EYS: variants seen among roughly 807,000 people sequenced by gnomAD.
EYS encodes protein eyes shut homolog.
Under a neutral mutation model 282.1 loss-of-function variants are expected in EYS, and 250 were observed. The observed-to-expected ratio is 0.89, with a 90% CI of 0.80 to 0.98. The LOEUF (loss-of-function observed/expected upper bound fraction) is 0.98. EYS is among the 50% of genes least tolerant of loss of function. EYS has a pLI of 0.00. For missense variants in EYS, 4,016 were observed against 3,709.0 expected (o/e 1.08, Z -2.15); for synonymous variants, 1,355 against 1,282.9 (o/e 1.06, Z -1.20).
At chr6:64,758,884 A>C (rs569352969) in intron 22 of EYS, among the ~76,000 whole-genome samples, 34 of 152,334 alleles carry the variant, frequency 2.2e-4, no homozygotes, top group African/African-American at 7.7e-4. Flanking sequence ...CACGCCTGTA[A>C]TCCCAGCACT....
At chr6:65,455,017 G>C (rs1487456135) in intron 5 of EYS, among the ~76,000 whole-genome samples, 1 of 151,896 alleles carries the variant, frequency 6.6e-6, no homozygotes, top group Admixed American at 6.6e-5. Context: ...ATAAATTTTA[G>C]AATTATTTTT....
intron 24 of EYS, among the ~76,000 whole-genome samples, chr6:64,602,025 T>C (rs1221943888): frequency 6.6e-6 from 1 of 152,068 alleles, no homozygotes. Context: ...GTCCCTTCCT[T>C]AGAGAAAACT....
intron 12 of EYS, among the ~76,000 whole-genome samples, chr6:65,115,940 ATGTC>A (rs56699664): frequency 0.14 from 16,542 of 117,406 alleles, 1,209 homozygotes; most frequent in African/African-American, 0.28. Context: ...TGAAATAACT[ATGTC>A]TGTCTGTCTG....
At chr6:63,750,720 T>C (rs1221943985) in intron 41 of EYS, among the ~76,000 whole-genome samples, 1 of 152,216 alleles carries the variant, frequency 6.6e-6, no homozygotes, top group Non-Finnish European at 1.5e-5. Flanking sequence ...GGGGAACAAA[T>C]GTGTGTGACA....
At position 63,874,511 on chromosome 6, in the gene EYS, G is replaced by GT. The variant is rs571599839; in HGVS notation, c.7056-10154dup. ...TTGGTTCCATATAAACTTTAAAGTAGTTTTTTTCCAATTCTGTGAAGAAAG... is the reference window on the plus strand; with the variant it reads ...TTGGTTCCATATAAACTTTAAAGTAGTTTTTTTTCCAATTCTGTGAAGAAAG... On this transcript the variant is annotated intron_variant, in intron 35 of 42. Transcript: ENST00000503581. Among the ~76,000 whole-genome samples, 280 of 152,206 alleles carry GT rather than the reference G, an allele frequency of 1.8e-3. 1 individual carries two copies. Among genetic ancestry groups the GT allele is most frequent in the African/African-American group, 6.4e-3 (265 of 41,532 alleles).
intron 31 of EYS, among the ~76,000 whole-genome samples, chr6:64,118,784 A>T (rs952931066): frequency 6.6e-6 from 1 of 152,144 alleles, no homozygotes; most frequent in Non-Finnish European, 1.5e-5. Flanking sequence ...CAAGTTATTT[A>T]TCTGACAAGG....
intron 21 of EYS, among the ~76,000 whole-genome samples, chr6:64,820,044 T>C (rs1764855005): frequency 6.6e-6 from 1 of 152,076 alleles, no homozygotes; most frequent in African/African-American, 2.4e-5. Context: ...CAAAGAGTGA[T>C]TTCATTTAAT....
intron 22 of EYS, among the ~76,000 whole-genome samples, chr6:64,688,386 C>T (rs1009498971): frequency 6.6e-6 from 1 of 152,138 alleles, no homozygotes; most frequent in African/African-American, 2.4e-5. Context: ...CCTCTACACA[C>T]TGCTTTGAAT....
intron 1 of EYS, among the ~76,000 whole-genome samples, chr6:65,704,224 GTGCATA>G (rs1769788413): frequency 6.6e-6 from 1 of 152,140 alleles, no homozygotes; most frequent in Non-Finnish European, 1.5e-5. Context: ...CACAAATACA[GTGCATA>G]GCACATTACA....
At chr6:64,796,056 T>C (rs1262332989) in intron 22 of EYS, among the ~76,000 whole-genome samples, 1 of 152,174 alleles carries the variant, frequency 6.6e-6, no homozygotes, top group African/African-American at 2.4e-5. Flanking sequence ...ACTAAGTTGA[T>C]TAAAAACTGC....
At chr6:65,273,133 G>A (rs538242422) in intron 12 of EYS, among the ~76,000 whole-genome samples, 4 of 152,286 alleles carry the variant, frequency 2.6e-5, no homozygotes, top group Middle Eastern at 3.4e-3. Context: ...ATTTCATCAT[G>A]CTACTCCTAA....
intron 30 of EYS, among the ~76,000 whole-genome samples, chr6:64,257,536 C>T (rs1442572311): frequency 6.6e-6 from 1 of 151,950 alleles, no homozygotes; most frequent in Non-Finnish European, 1.5e-5. Context: ...GTTTCTCTTT[C>T]TTAACTATAA....
intron 40 of EYS, among the ~76,000 whole-genome samples, chr6:63,764,664 T>C (rs1185442731): frequency 6.6e-6 from 1 of 151,982 alleles, no homozygotes; most frequent in Non-Finnish European, 1.5e-5. Flanking sequence ...GTATATAGCA[T>C]AGTGTTATGG....
chr6:65,153,329 G>A (rs1012361639), intron 12 of EYS, among the ~76,000 whole-genome samples: 13 of 149,432 alleles, frequency 8.7e-5, no homozygotes, highest in Admixed American at 1.3e-4. Flanking sequence ...GATCTGTACC[G>A]GACTTCTTAC....
At chr6:65,192,338 G>A (rs998077961) in intron 12 of EYS, among the ~76,000 whole-genome samples, 1 of 108,568 alleles carries the variant, frequency 9.2e-6, no homozygotes, top group African/African-American at 3.6e-5. Flanking sequence ...TATAATGTGT[G>A]GTATTCTCTT....
intron 12 of EYS, among the ~76,000 whole-genome samples, chr6:65,249,792 T>C (rs1421969655): frequency 6.6e-6 from 1 of 152,056 alleles, no homozygotes; most frequent in Non-Finnish European, 1.5e-5. Context: ...AGATAAATTA[T>C]AAAAGATTGC....
intron 22 of EYS, among the ~76,000 whole-genome samples, chr6:64,781,645 T>C (rs1226379026): frequency 6.6e-6 from 1 of 151,484 alleles, no homozygotes; most frequent in Admixed American, 6.6e-5. Flanking sequence ...CAGATATGGA[T>C]AACCCTCAGC....
chr6:65,466,387 T>C (rs975493794), intron 5 of EYS, among the ~76,000 whole-genome samples: 2 of 152,032 alleles, frequency 1.3e-5, no homozygotes, highest in Non-Finnish European at 1.5e-5. Context: ...ATCCTCAAAA[T>C]AAAATATAAT....
At chr6:64,751,315 C>T (rs534144689) in intron 22 of EYS, among the ~76,000 whole-genome samples, 5 of 152,302 alleles carry the variant, frequency 3.3e-5, no homozygotes, top group African/African-American at 1.2e-4. Context: ...GATATCTCTC[C>T]AGGCATTTGA....
Sources: allele counts gnomAD v4.1 joint callset (sites outside exome capture counted in the v4.1 genomes callset), GRCh38; gene constraint gnomAD v4.1.1; transcripts MANE v1.5; gene names NCBI Gene and HGNC (gene_info 2026-07-23, HGNC 2026-07-21).